The following HLA-DPA1 variants were observed in gnomAD, a reference collection of about 807,000 sequenced individuals.
HLA-DPA1 encodes major histocompatibility complex, class II, DP alpha 1.
A neutral mutation model predicts 21.5 loss-of-function variants in HLA-DPA1; 20 were observed. That is an observed-to-expected ratio of 0.93 (90% confidence interval 0.66 to 1.35). The LOEUF is 1.35. Ranked by LOEUF, HLA-DPA1 falls within the 40% of genes most tolerant of loss-of-function variation. HLA-DPA1 has a pLI of 0.00. For missense variants in HLA-DPA1, 279 were observed against 323.0 expected, an observed-to-expected ratio of 0.86 and a Z score of 1.05; for synonymous variants, 123 against 129.6, an observed-to-expected ratio of 0.95 and a Z score of 0.35.
chr6:33,073,660 G>T lies in HLA-DPA1; in HGVS notation c.-90C>A, dbSNP rs909943305. 1 of 866,546 alleles carries T rather than the reference G, an allele frequency of 1.2e-6. No homozygotes were observed. The highest frequency in any genetic ancestry group is 1.9e-6 in the Non-Finnish European group (1 of 516,620). 53.7% of individuals were successfully genotyped at this position (866,546 alleles called of 1,614,324 possible). ...GAGGCAGATGAGACTGAAACTGTGG[G>T]CCTCTAGCACTGGAAATGGGTGGAG... On this transcript the variant is annotated 5_prime_UTR_variant, in exon 2 of 6. Transcript: ENST00000419277.
Position 33,069,901 on chromosome 6 carries a change from T to C in HLA-DPA1, c.101-15A>G, listed in dbSNP as rs761723244. On this transcript the variant is annotated splice_polypyrimidine_tract_variant and intron_variant, in intron 2 of 5. Transcript: ENST00000419277. ...CACATGGTCCGCTGCATAAAGACAG[T>C]AGAGAAAAACACGACAAAATGTCAG... The C allele has an allele frequency of 5.6e-6, 9 of 1,600,520 alleles. No homozygotes were observed. Among genetic ancestry groups the C allele is most frequent in the Admixed American group, 1.7e-5 (1 of 59,554 alleles).
In HLA-DPA1 at chr6:33,069,060, AC is replaced by A. The variant is rs773990109; in HGVS notation, c.586del (p.Val196TrpfsTer39). On this transcript the variant is annotated frameshift_variant, in exon 4 of 6. Coordinates refer to ENST00000419277, the Ensembl canonical transcript of HLA-DPA1. LOFTEE classifies it high-confidence loss of function. ...CGGCTGGTCCAAGCCCCAGTGCTCCACCCTGCAGTCATAGAAGTCCTCTGCT... is the reference window on the plus strand; with the variant it reads ...CGGCTGGTCCAAGCCCCAGTGCTCCACCTGCAGTCATAGAAGTCCTCTGCT... The A allele has an allele frequency of 5.9e-5, 95 of 1,612,956 alleles. No individual in the cohort carries two copies. Among genetic ancestry groups the A allele is most frequent in the Non-Finnish European group, 7.6e-5 (90 of 1,180,032 alleles).
exon 3 of HLA-DPA1, chr6:33,069,771 G>T: frequency 6.2e-7 from 1 of 1,612,420 alleles, no homozygotes; most frequent in South Asian, 1.1e-5. Context: ...GATGCCAGAC[G>T]GTCTCCTTCT....
chr6:33,077,712 C>G (rs1323275755), intron 1 of HLA-DPA1, among the ~76,000 whole-genome samples: 1 of 152,172 alleles, frequency 6.6e-6, no homozygotes, highest in African/African-American at 2.4e-5. Flanking sequence ...TAGTTTTCCA[C>G]TGACTTCCAC....
chr6:33,069,942 G>A, intron 2 of HLA-DPA1, 56 bp from the exon 2 acceptor site: 1 of 1,519,088 alleles, frequency 6.6e-7, no homozygotes, highest in Non-Finnish European at 9.0e-7. Flanking sequence ...ATATGCAAGT[G>A]GTCAAAGCTA....
At chr6:33,076,945 G>A (rs987957553) in intron 1 of HLA-DPA1, among the ~76,000 whole-genome samples, 3 of 151,808 alleles carry the variant, frequency 2.0e-5, no homozygotes, top group African/African-American at 7.3e-5. Flanking sequence ...TATACTTTAA[G>A]TTCTAGGGTA....
At chr6:33,071,942 A>G (rs34780193) in intron 2 of HLA-DPA1, among the ~76,000 whole-genome samples, 43,272 of 151,156 alleles carry the variant, frequency 0.29, 8,319 homozygotes, top group East Asian at 0.69. Context: ...CAGGAGAGGA[A>G]TTTAGGCCAT....
At chr6:33,077,598 C>G (rs182110682) in intron 1 of HLA-DPA1, among the ~76,000 whole-genome samples, 1 of 152,324 alleles carries the variant, frequency 6.6e-6, no homozygotes, top group East Asian at 1.9e-4. Context: ...CACTTTTACT[C>G]TGTTGGTGGG....
At chr6:33,078,002 G>A (rs1232942538) in intron 1 of HLA-DPA1, among the ~76,000 whole-genome samples, 1 of 152,232 alleles carries the variant, frequency 6.6e-6, no homozygotes, top group East Asian at 1.9e-4. Context: ...TGGGGAGAGA[G>A]GAGGCTGGAG....
rs752680650 is a variant in HLA-DPA1 at position 33,069,301 on chromosome 6, C to T, written c.347-1G>A. 5 of 1,611,424 alleles carry T rather than the reference C, an allele frequency of 3.1e-6. No individual in the cohort carries two copies. The highest frequency in any genetic ancestry group is 4.2e-6 in the Non-Finnish European group (5 of 1,179,036). ...GGAAACACGGTCACCTCAGGGGGATCTGGAAGGAGACAGCACCAGGTTAGG... is the reference window on the plus strand; with the variant it reads ...GGAAACACGGTCACCTCAGGGGGATTTGGAAGGAGACAGCACCAGGTTAGG... On this transcript the variant is annotated splice_acceptor_variant, in intron 3 of 5. Coordinates refer to ENST00000419277, the Ensembl canonical transcript of HLA-DPA1. LOFTEE classifies it high-confidence loss of function.
chr6:33,071,628 C>G (rs35039691), intron 2 of HLA-DPA1, among the ~76,000 whole-genome samples: 43,299 of 151,880 alleles, frequency 0.29, 8,143 homozygotes, highest in East Asian at 0.66. Flanking sequence ...ACGTCCTGTT[C>G]TGCAGACGCG....
intron 5 of HLA-DPA1, 38 bp downstream of exon 4, chr6:33,068,600 A>C: frequency 6.6e-7 from 1 of 1,520,784 alleles, no homozygotes; most frequent in East Asian, 2.3e-5. Context: ...CCTTCCTTAC[A>C]TTCTACAAAT....
At position 33,080,588 on chromosome 6, in the gene HLA-DPA1, A is replaced by C. The variant is rs1762784967; in HGVS notation, c.-100+92T>G. The C allele has an allele frequency of 6.3e-7, 1 of 1,586,526 alleles. No individual in the cohort carries two copies. The highest frequency in any genetic ancestry group is 8.6e-7 in the Non-Finnish European group (1 of 1,157,430). On this transcript the variant is annotated intron_variant, in intron 1 of 5. Transcript: ENST00000419277. This position sits in a 1 kb window ranked among gnomAD's most constrained non-coding sequence, Gnocchi z 4.3. ...CAGCCCTGGGTGGGAAGATTTGGGA[A>C]GAATCGTTAATATTGAGAGAGAGAG...
intron 2 of HLA-DPA1, among the ~76,000 whole-genome samples, chr6:33,070,093 A>G (rs879808573): frequency 5.8e-4 from 88 of 152,300 alleles, no homozygotes; most frequent in African/African-American, 2.0e-3. Context: ...AGGAGCAAAG[A>G]ACAAAATGAA....
At chr6:33,070,390 C>A (rs56772034) in intron 2 of HLA-DPA1, among the ~76,000 whole-genome samples, 43,455 of 151,972 alleles carry the variant, frequency 0.29, 8,135 homozygotes, top group East Asian at 0.66. Context: ...GAGGTTTTCT[C>A]TCCCATTAAG....
chr6:33,080,678 A>G lies in HLA-DPA1; in HGVS notation c.-100+2T>C. The G allele has an allele frequency of 5.6e-6, 9 of 1,612,640 alleles. No individual in the cohort carries two copies. The highest frequency in any genetic ancestry group is 7.6e-6 in the Non-Finnish European group (9 of 1,179,480). On this transcript the variant is annotated splice_donor_variant, in intron 1 of 5. Transcript: ENST00000419277. LOFTEE classifies it low-confidence loss of function (5UTR_SPLICE). The surrounding 1 kb of genome is among the most constrained non-coding windows in gnomAD (Gnocchi z 4.3). ...GTCCGCCCCCTCCCCGCAGAGAATT[A>G]CCTTTTCCAGGGACGGCAGGAATGC...
intron 1 of HLA-DPA1, among the ~76,000 whole-genome samples, chr6:33,077,424 GTATA>G (rs1324118771): frequency 2.0e-5 from 3 of 152,044 alleles, no homozygotes; most frequent in African/African-American, 7.3e-5. Flanking sequence ...AATCCTTTGG[GTATA>G]TATCCAGTAA....
At chr6:33,068,952 G>A (rs945330027) in intron 4 of HLA-DPA1, 67 bp downstream of exon 3, 7 of 1,570,162 alleles carry the variant, frequency 4.5e-6, no homozygotes, top group Non-Finnish European at 6.1e-6. Context: ...GAAAGCTGGT[G>A]CAGAGGACAC....
At chr6:33,078,749 A>T (rs1394234358) in intron 1 of HLA-DPA1, among the ~76,000 whole-genome samples, 2 of 152,234 alleles carry the variant, frequency 1.3e-5, no homozygotes, top group East Asian at 1.9e-4. Context: ...TGGGTAAATT[A>T]AAAAAATTAA....
Sources: allele counts gnomAD v4.1 joint callset (sites outside exome capture counted in the v4.1 genomes callset), GRCh38; gene constraint gnomAD v4.1.1; non-coding constraint Gnocchi (gnomAD v3.1); transcripts MANE v1.5; gene names NCBI Gene and HGNC (gene_info 2026-07-23, HGNC 2026-07-21).